The following PPEF2 variants were observed in gnomAD, a reference collection of about 807,000 sequenced individuals.
PPEF2 encodes protein phosphatase with EF-hand domain 2.
PPEF2 carries 84 observed loss-of-function variants against 84.7 expected under a neutral mutation model. That is an observed-to-expected ratio of 0.99 (90% CI 0.83 to 1.19). The LOEUF (loss-of-function observed/expected upper bound fraction) is 1.19. Among genes scored for constraint, PPEF2 ranks in the 50% most tolerant of loss-of-function variants. PPEF2 has a pLI of 0.00. For missense variants in PPEF2, 924 were observed against 937.5 expected (o/e 0.99, Z 0.19); for synonymous variants, 346 against 345.2 (o/e 1.00, Z -0.03).
In PPEF2 at chr4:75,860,613, G is replaced by A; in HGVS notation, c.*54C>T. On this transcript the variant is annotated 3_prime_UTR_variant, in exon 17 of 17. Transcript: ENST00000286719. ...TGGAGAATAAGGGAGATAGTCTAGT[G>A]AGAAGCTGAGCATTGCCTATGAGGC... 6.3e-7 allele frequency: 1 copy of A among 1,598,264 alleles called. No homozygotes were observed. Among genetic ancestry groups the A allele is most frequent in the South Asian group, 1.1e-5 (1 of 89,834 alleles).
chr4:75,878,767 G>A (rs549961825), intron 10 of PPEF2, among the ~76,000 whole-genome samples: 1 of 152,196 alleles, frequency 6.6e-6, no homozygotes, highest in African/African-American at 2.4e-5. Context: ...CACCTCTTCC[G>A]ATTCTCAGGT....
At chr4:75,869,973 C>A (rs764792662) in intron 13 of PPEF2, among the ~76,000 whole-genome samples, 6 of 152,170 alleles carry the variant, frequency 3.9e-5, no homozygotes, top group Non-Finnish European at 8.8e-5. Flanking sequence ...CTCCATTATG[C>A]TTCATACAGT....
At chr4:75,870,140 A>G (rs550720236) in intron 13 of PPEF2, among the ~76,000 whole-genome samples, 1 of 152,188 alleles carries the variant, frequency 6.6e-6, no homozygotes, top group East Asian at 1.9e-4. Context: ...ACATTACTAC[A>G]TTACTATTAC....
At chr4:75,882,296 G>A (rs1250540829) in intron 10 of PPEF2, among the ~76,000 whole-genome samples, 2 of 152,046 alleles carry the variant, frequency 1.3e-5, no homozygotes, top group East Asian at 1.9e-4. Flanking sequence ...CAACTAGCAC[G>A]CTCTCTGGAT....
intron 1 of PPEF2, among the ~76,000 whole-genome samples, chr4:75,901,162 G>A (rs947557508): frequency 3.9e-5 from 6 of 152,166 alleles, no homozygotes; most frequent in African/African-American, 1.2e-4. Context: ...TATCCCATAT[G>A]GCTGCTTAAG....
chr4:75,874,922 G>A (rs1406771589), intron 11 of PPEF2, among the ~76,000 whole-genome samples: 2 of 134,264 alleles, frequency 1.5e-5, no homozygotes, highest in Non-Finnish European at 3.1e-5. Context: ...TTTTTTTTGA[G>A]ACGGAGTCTC....
rs751260152 is a variant in PPEF2, at chr4:75,876,552, C to T, written c.1055G>A (p.Arg352His). The part of the protein sequence containing the change: ...GPIPWFLPES[R>H]SLPSSPLRLG... ...CCGAAGGGGCGAAGAGGGAAGAGAG[C>T]GGCTTTCGGGGAGAAACCATGGGAT... Residue 352 changes from arginine to histidine, a missense_variant, in exon 11 of 17, where the codon CGC becomes CAC. Physicochemically the swap from Arg to His is conservative, Grantham distance 29 (BLOSUM62 0). Transcript: ENST00000286719. 4.3e-6 allele frequency: 7 copies of T among 1,614,086 alleles called. No individual in the cohort carries two copies. The highest frequency in any genetic ancestry group is 3.3e-5 in the South Asian group (3 of 91,054).
At chr4:75,895,503 C>T (rs946350833) in intron 2 of PPEF2, among the ~76,000 whole-genome samples, 1 of 151,940 alleles carries the variant, frequency 6.6e-6, no homozygotes, top group Non-Finnish European at 1.5e-5. Context: ...GAAGCCGAGG[C>T]AGGCGGATCA....
At chr4:75,871,560 T>C (rs763478959) in intron 13 of PPEF2, among the ~76,000 whole-genome samples, 6 of 152,110 alleles carry the variant, frequency 3.9e-5, no homozygotes, top group Non-Finnish European at 7.4e-5. Context: ...AAACTCTACC[T>C]CCCAAGCTCA....
rs975344513 is a variant in PPEF2 at position 75,876,715 on chromosome 4, T to C, written c.934-42A>G. The C allele has an allele frequency of 3.3e-6, 5 of 1,507,124 alleles. No individual in the cohort carries two copies. The African/African-American group carries it at 5.6e-5, about 17-fold the overall frequency. 93.4% of individuals were successfully genotyped at this position (1,507,124 alleles called of 1,614,324 possible). On this transcript the variant is annotated intron_variant, in intron 10 of 16. Coordinates refer to ENST00000286719, the MANE Select transcript of PPEF2 (RefSeq NM_006239.3). ...AGAGATACAGATGCTGGAATGAAAC[T>C]GTAGGCCCAGACAGGTGTGGTGGCC... is the stretch of plus-strand genomic sequence containing the variant.
At chr4:75,867,474 T>TA (rs1202388689) in intron 13 of PPEF2, 55 bp from the exon 14 acceptor site, 33 of 1,273,670 alleles carry the variant, frequency 2.6e-5, no homozygotes, top group Non-Finnish European at 3.4e-5. Flanking sequence ...AAAAAATACT[T>TA]AGAGATTTTA....
At chr4:75,899,029 G>A (rs922559702) in intron 1 of PPEF2, among the ~76,000 whole-genome samples, 2 of 152,014 alleles carry the variant, frequency 1.3e-5, no homozygotes, top group African/African-American at 2.4e-5. Context: ...ATTTTCCCCA[G>A]TCTCTAGTAA....
In PPEF2 at chr4:75,883,024, G is replaced by A; in HGVS notation, c.835C>T (p.Pro279Ser). Reference protein sequence around the residue: ...RTLQDVFCWLPLATLIDEKVL... With the variant: ...RTLQDVFCWLSLATLIDEKVL... Reference sequence around the variant, plus strand: ...TTCTCATCTATCAGAGTGGCCAGTGGAAGCCAACAGAAAACATCTTGCAGG... The same window carrying A: ...TTCTCATCTATCAGAGTGGCCAGTGAAAGCCAACAGAAAACATCTTGCAGG... Residue 279 changes from proline (P) to serine (S), a missense_variant, in exon 10 of 17, where the codon CCA (proline) becomes TCA (serine). Coordinates refer to ENST00000286719, the MANE Select transcript of PPEF2 (RefSeq NM_006239.3). 1.2e-6 allele frequency: 2 copies of A among 1,614,150 alleles called. No individual in the cohort carries two copies. The highest frequency in any genetic ancestry group is 1.1e-5 in the South Asian group (1 of 91,084).
Position 75,860,921 on chromosome 4 carries a change from C to T in PPEF2, c.2009-1G>A. 3 of 1,611,588 alleles carry T rather than the reference C, an allele frequency of 1.9e-6. No homozygotes were observed. Among genetic ancestry groups the T allele is most frequent in the Non-Finnish European group, 2.5e-6 (3 of 1,177,922 alleles). The stretch of plus-strand genomic sequence containing the variant: ...CTGAACTCGTCCAGTGAGATGAACC[C>T]TTATCAGAGGGAGGAAATCACTTCA... On this transcript the variant is annotated splice_acceptor_variant, in intron 16 of 16. Transcript: ENST00000286719. LOFTEE classifies it high-confidence loss of function.
At chr4:75,890,690 G>A (rs1447400394) in intron 4 of PPEF2, among the ~76,000 whole-genome samples, 1 of 152,036 alleles carries the variant, frequency 6.6e-6, no homozygotes, top group Non-Finnish European at 1.5e-5. Context: ...CAGAAATTTA[G>A]GGACCTGGAT....
Position 75,891,883 on chromosome 4 carries a change from T to A in PPEF2, c.151A>T (p.Ile51Leu), listed in dbSNP as rs150101422. ...TGGTCTTGCTGCCCAGCATATTCTA[T>A]AGACTGGAAGATGCTCCAGGTGCAA... ...RRCTWSIFQS[I>L]EYAGQQDQVK... The change falls in exon 3 of 17, where the codon ATA (isoleucine) becomes TTA (leucine). Residue 51 changes from isoleucine (I) to leucine (L), a missense_variant. Ile to Leu is a conservative substitution (Grantham distance 5). Coordinates refer to ENST00000286719, the MANE Select transcript of PPEF2 (RefSeq NM_006239.3). 125 of 1,614,036 alleles carry A rather than the reference T, an allele frequency of 7.7e-5. No individual in the cohort carries two copies. The African/African-American group carries it at 1.6e-3, about 20-fold the overall frequency.
intron 2 of PPEF2, 57 bp from the exon 3 acceptor site, chr4:75,892,035 T>TG: frequency 6.3e-7 from 1 of 1,595,166 alleles, no homozygotes; most frequent in South Asian, 1.1e-5. Context: ...GCCAGGGGTT[T>TG]GGGGGTAGGG....
Position 75,883,217 on chromosome 4 carries a change from A to C in PPEF2, c.747-15T>G. The C allele has an allele frequency of 6.2e-7, 1 of 1,609,162 alleles. No individual in the cohort carries two copies. The highest frequency in any genetic ancestry group is 8.5e-7 in the Non-Finnish European group (1 of 1,176,236). On this transcript the variant is annotated splice_polypyrimidine_tract_variant and intron_variant, in intron 8 of 16. Transcript: ENST00000286719. Reference sequence around the variant, plus strand: ...TGAAGCCATATCTAGATTTAGAAGCACAAATAGATATTAGAGTAAACTGGG... The same window carrying C: ...TGAAGCCATATCTAGATTTAGAAGCCCAAATAGATATTAGAGTAAACTGGG...
intron 2 of PPEF2, among the ~76,000 whole-genome samples, chr4:75,892,872 T>C (rs1052759875): frequency 6.6e-6 from 1 of 152,200 alleles, no homozygotes; most frequent in African/African-American, 2.4e-5. Context: ...CTGCTGGTGA[T>C]GAATGGACTA....
Sources: gnomAD v4.1 joint callset for allele counts (sites outside exome capture counted in the v4.1 genomes callset) on GRCh38, gnomAD v4.1.1 for gene constraint, MANE v1.5 for transcripts, NCBI Gene and HGNC (gene_info 2026-07-23, HGNC 2026-07-21) for gene names.